Variants in ADGRL2 observed in about 807,000 individuals in gnomAD.
ADGRL2 encodes the protein calcium-independent alpha-latrotoxin receptor 2.
In ADGRL2, 44 loss-of-function variants were observed where a neutral mutation model predicts 157.4. The observed-to-expected ratio is 0.28, with a 90% CI of 0.22 to 0.36. ADGRL2 has a LOEUF of 0.36. Ranked by LOEUF, ADGRL2 falls within the 10% of genes least tolerant of loss-of-function variation. ADGRL2 has a pLI of 1.00. For missense variants in ADGRL2, 1,510 were observed against 1,768.9 expected, an observed-to-expected ratio of 0.85 and a Z score of 2.63; for synonymous variants, 585 against 624.7, an observed-to-expected ratio of 0.94 and a Z score of 0.95.
intron 1 of ADGRL2, among the ~76,000 whole-genome samples, chr1:81,442,295 CGG>C (rs2077521975): frequency 1.3e-5 from 2 of 152,166 alleles, no homozygotes; most frequent in African/African-American, 4.8e-5. Context: ...TTCCTTAAAA[CGG>C]ACACAGTTAG....
At chr1:81,560,478 A>G (rs2080414383) in intron 2 of ADGRL2, among the ~76,000 whole-genome samples, 1 of 152,218 alleles carries the variant, frequency 6.6e-6, no homozygotes, top group Non-Finnish European at 1.5e-5. Context: ...CGTATTCCAC[A>G]GTCAGCGTCC....
intron 1 of ADGRL2, among the ~76,000 whole-genome samples, chr1:81,739,948 A>G (rs896223290): frequency 6.6e-6 from 1 of 152,210 alleles, no homozygotes; most frequent in African/African-American, 2.4e-5. Flanking sequence ...ACAAATGTAC[A>G]TGCATTTCTG....
intron 2 of ADGRL2, among the ~76,000 whole-genome samples, chr1:81,789,262 T>C (rs946175481): frequency 2.6e-5 from 4 of 152,166 alleles, no homozygotes; most frequent in African/African-American, 9.7e-5. Context: ...AGAGAACAAG[T>C]AAACCAACAA....
intron 1 of ADGRL2, among the ~76,000 whole-genome samples, chr1:81,315,910 G>T (rs1660074119): frequency 6.6e-6 from 1 of 152,110 alleles, no homozygotes; most frequent in African/African-American, 2.4e-5. Flanking sequence ...TCTGAAGGAA[G>T]ATAATTGATA....
At chr1:81,704,472 T>C (rs2083670542) in intron 1 of ADGRL2, among the ~76,000 whole-genome samples, 1 of 151,976 alleles carries the variant, frequency 6.6e-6, no homozygotes, top group South Asian at 2.1e-4. Context: ...AGATTAGTGG[T>C]AGTGGTATGT....
At chr1:81,695,485 C>T (rs1466428974), upstream of ADGRL2, among the ~76,000 whole-genome samples, 1 of 152,092 alleles carries the variant, frequency 6.6e-6, no homozygotes, top group Non-Finnish European at 1.5e-5. Context: ...TTCTGTGTCA[C>T]CCCTTGGATT....
chr1:81,952,476 T>C (rs1652147596), intron 9 of ADGRL2, among the ~76,000 whole-genome samples: 1 of 152,184 alleles, frequency 6.6e-6, no homozygotes, highest in Non-Finnish European at 1.5e-5. Flanking sequence ...CTTTATATGC[T>C]AATACATGGA....
At position 81,907,915 on chromosome 1, in the gene ADGRL2, A is replaced by G. The variant is rs188817486; in HGVS notation, c.287+685A>G. On this transcript the variant is annotated intron_variant, in intron 3 of 23. Coordinates refer to ENST00000686636, the MANE Select transcript of ADGRL2 (RefSeq NM_001366006.2). ...TACCTTCATGTGCCACATAATGACT[A>G]CTTTTTGGTTAGTGATGAACTGCGT... Among the ~76,000 whole-genome samples the G allele has an allele frequency of 5.3e-3, 811 of 152,262 alleles. 4 individuals are homozygous for G. Among genetic ancestry groups the G allele is most frequent in the Non-Finnish European group, 8.1e-3 (548 of 68,020 alleles).
chr1:81,966,749 AAT>A lies in ADGRL2; in HGVS notation c.2349+141_2349+142del, dbSNP rs1657169037. On this transcript the variant is annotated intron_variant, in intron 13 of 23. Transcript: ENST00000686636. ...ACAAGACCTTTCCATTTGAATTTTAAATGTTGGACTAGGTCAGAGACACAAGT... is the reference window on the plus strand; with the variant it reads ...ACAAGACCTTTCCATTTGAATTTTAAGTTGGACTAGGTCAGAGACACAAGT... The A allele has an allele frequency of 1.2e-4, 88 of 713,774 alleles. 2 individuals carry two copies. The highest frequency in any genetic ancestry group is 1.1e-3 in the South Asian group (62 of 58,162). The allele number at this position is 713,774 out of a possible 1,614,324, so 44.2% of individuals were successfully genotyped here. A position where few individuals can be genotyped will look rare whatever the true frequency, so the allele number is the denominator to read the frequency against.
chr1:81,974,998 A>G (rs1011136576), intron 17 of ADGRL2, among the ~76,000 whole-genome samples: 1 of 151,910 alleles, frequency 6.6e-6, no homozygotes, highest in Non-Finnish European at 1.5e-5. Flanking sequence ...TTTTTGGCTG[A>G]ATAAGGATTT....
chr1:81,775,211 A>G (rs1217262323), intron 2 of ADGRL2, among the ~76,000 whole-genome samples: 1 of 152,130 alleles, frequency 6.6e-6, no homozygotes. Context: ...TTGAAAACTT[A>G]ATACTCTGAA....
chr1:81,828,077 A>T (rs1278056391), intron 1 of ADGRL2, among the ~76,000 whole-genome samples: 1 of 152,190 alleles, frequency 6.6e-6, no homozygotes, highest in Non-Finnish European at 1.5e-5. Context: ...TTCATCTATA[A>T]ACAGGGGTTG....
At chr1:81,685,846 G>C (rs2083218304) in intron 3 of ADGRL2, among the ~76,000 whole-genome samples, 1 of 152,134 alleles carries the variant, frequency 6.6e-6, no homozygotes, top group African/African-American at 2.4e-5. Context: ...AATCATAAAG[G>C]GATGCTGGAT....
intron 3 of ADGRL2, among the ~76,000 whole-genome samples, chr1:81,661,301 T>C (rs2082645811): frequency 6.6e-6 from 1 of 152,202 alleles, no homozygotes; most frequent in South Asian, 2.1e-4. Flanking sequence ...TTAGTAACAT[T>C]ACAGCCAAAG....
chr1:81,744,403 G>C (rs902799221), intron 1 of ADGRL2, among the ~76,000 whole-genome samples: 52 of 152,276 alleles, frequency 3.4e-4, no homozygotes, highest in African/African-American at 1.3e-3. Flanking sequence ...AGATAGTTGA[G>C]TGACAGAAGT....
intron 1 of ADGRL2, among the ~76,000 whole-genome samples, chr1:81,444,402 A>G (rs938663065): frequency 6.6e-6 from 1 of 152,196 alleles, no homozygotes; most frequent in Non-Finnish European, 1.5e-5. Flanking sequence ...TTTTACATGT[A>G]AAATGTTTCT....
intron 14 of ADGRL2, among the ~76,000 whole-genome samples, chr1:81,968,958 C>CCT (rs1214038450): frequency 6.6e-6 from 1 of 152,084 alleles, no homozygotes; most frequent in Non-Finnish European, 1.5e-5. Flanking sequence ...GTAAAATCTT[C>CCT]CTCTCTCATA....
Position 81,380,811 on chromosome 1 carries a change from CT to C in ADGRL2, c.-301-64222del, listed in dbSNP as rs150405700. On this transcript the variant is annotated intron_variant, in intron 1 of 24. Transcript: ENST00000370721. Reference sequence around the variant, plus strand: ...GGTGGTGGTAGTGGTTTCAAATTTACTTTGATAATCTTAACTGTTTATTCTT... The same window carrying C: ...GGTGGTGGTAGTGGTTTCAAATTTACTTGATAATCTTAACTGTTTATTCTT... Among the ~76,000 whole-genome samples, 1,099 of 151,896 alleles carry C rather than the reference CT, an allele frequency of 7.2e-3. 12 individuals carry two copies. Among genetic ancestry groups the C allele is most frequent in the African/African-American group, 0.025 (1,035 of 41,430 alleles).
chr1:81,764,010 AC>A (rs1471907733), intron 2 of ADGRL2, among the ~76,000 whole-genome samples: 3 of 139,702 alleles, frequency 2.1e-5, no homozygotes, highest in African/African-American at 8.0e-5. Flanking sequence ...TATCAAAAAA[AC>A]AACAACAAAA....
Sources: allele counts gnomAD v4.1 joint callset (sites outside exome capture counted in the v4.1 genomes callset), GRCh38; gene constraint gnomAD v4.1.1; transcripts MANE v1.5; gene names NCBI Gene and HGNC (gene_info 2026-07-23, HGNC 2026-07-21).